Variants in QTMAN observed in about 807,000 individuals in gnomAD.
QTMAN encodes tRNA-queuosine alpha-mannosyltransferase.
chr2:144,084,628 CT>C, the QTMAN span, among the ~76,000 whole-genome samples: 4 of 152,248 alleles, frequency 2.6e-5, no homozygotes, highest in Admixed American at 6.5e-5. Flanking sequence ...TGGAATTCAC[CT>C]TTTTAATTGT....
chr2:143,968,386 CAGTA>C, the QTMAN span, among the ~76,000 whole-genome samples: 8,281 of 152,160 alleles, frequency 0.054, 298 homozygotes, highest in East Asian at 0.16. Flanking sequence ...CCACAGTGCT[CAGTA>C]AGTATGTGTG....
chr2:144,280,498 G>A, the QTMAN span, among the ~76,000 whole-genome samples: 2 of 152,040 alleles, frequency 1.3e-5, no homozygotes, highest in Non-Finnish European at 2.9e-5. Flanking sequence ...TAATTCGATT[G>A]ACATCAGGGC....
the QTMAN span, among the ~76,000 whole-genome samples, chr2:144,246,754 C>A: frequency 6.6e-6 from 1 of 152,156 alleles, no homozygotes; most frequent in African/African-American, 2.4e-5. Flanking sequence ...TGTCACCTGG[C>A]TTTTCGAGTC....
At chr2:144,121,227 G>A in the QTMAN span, among the ~76,000 whole-genome samples, 1 of 152,130 alleles carries the variant, frequency 6.6e-6, no homozygotes, top group Non-Finnish European at 1.5e-5. Context: ...CTGGTCTGGT[G>A]GCGGCACACT....
chr2:144,043,557 C>T, the QTMAN span, among the ~76,000 whole-genome samples: 8 of 151,426 alleles, frequency 5.3e-5, no homozygotes, highest in African/African-American at 1.2e-4. Context: ...TCCTTGAACC[C>T]GGGAGGCAGA....
the QTMAN span, among the ~76,000 whole-genome samples, chr2:144,139,984 T>C: frequency 1.1e-4 from 16 of 152,216 alleles, no homozygotes; most frequent in South Asian, 3.3e-3. Context: ...CTTGGTTATT[T>C]TGCCTTTGGA....
the QTMAN span, among the ~76,000 whole-genome samples, chr2:144,295,525 A>G: frequency 6.6e-6 from 1 of 152,308 alleles, no homozygotes; most frequent in East Asian, 1.9e-4. Flanking sequence ...TAGTCAACCT[A>G]TTTCTCTACC....
chr2:144,221,971 T>C, the QTMAN span, among the ~76,000 whole-genome samples: 1 of 152,266 alleles, frequency 6.6e-6, no homozygotes, highest in Non-Finnish European at 1.5e-5. Context: ...TCTGAGGCTG[T>C]ACTTTGACAG....
chr2:144,300,823 A>C, the QTMAN span, among the ~76,000 whole-genome samples: 1 of 152,180 alleles, frequency 6.6e-6, no homozygotes, highest in Non-Finnish European at 1.5e-5. Flanking sequence ...TCAAAACGAG[A>C]AAATGGTCTT....
the QTMAN span, among the ~76,000 whole-genome samples, chr2:144,197,506 T>A: frequency 2.0e-5 from 3 of 152,188 alleles, no homozygotes; most frequent in Admixed American, 6.5e-5. Flanking sequence ...ATATGAAAAA[T>A]TTATTATTAG....
chr2:143,988,611 CTTAAT>C, the QTMAN span, among the ~76,000 whole-genome samples: 3 of 152,206 alleles, frequency 2.0e-5, no homozygotes, highest in African/African-American at 7.2e-5. Context: ...CATTCTTCTA[CTTAAT>C]TTATAGAAGA....
chr2:144,322,122 G>C, the QTMAN span, among the ~76,000 whole-genome samples: 546 of 152,274 alleles, frequency 3.6e-3, 10 homozygotes, highest in Non-Finnish European at 9.7e-4. Context: ...AAAGAAACTA[G>C]AGGCATGTTA....
the QTMAN span, among the ~76,000 whole-genome samples, chr2:144,114,685 TACAAAACAAA>T: frequency 0.055 from 8,256 of 149,682 alleles, 388 homozygotes; most frequent in East Asian, 0.18. Flanking sequence ...GTGCCCACAC[TACAAAACAAA>T]ACAAAACAAA....
At chr2:144,048,146 C>A in the QTMAN span, among the ~76,000 whole-genome samples, 1 of 152,176 alleles carries the variant, frequency 6.6e-6, no homozygotes, top group Non-Finnish European at 1.5e-5. Context: ...ACAGAGGACC[C>A]AGGGTGGGGG....
chr2:144,278,307 CAAGT>C, the QTMAN span, among the ~76,000 whole-genome samples: 1 of 152,120 alleles, frequency 6.6e-6, no homozygotes, highest in African/African-American at 2.4e-5. Context: ...ATTTCTCTTG[CAAGT>C]AAGTTACTTA....
the QTMAN span, among the ~76,000 whole-genome samples, chr2:144,318,686 T>C: frequency 6.6e-6 from 1 of 152,168 alleles, no homozygotes; most frequent in South Asian, 2.1e-4. Context: ...CACTGAAAAA[T>C]TGAATAGTAT....
the QTMAN span, among the ~76,000 whole-genome samples, chr2:144,239,316 C>G: frequency 2.0e-5 from 3 of 152,124 alleles, no homozygotes; most frequent in Admixed American, 2.0e-4. Context: ...AAGTGTATAA[C>G]CTCTTAAAAC....
chr2:144,297,108 A>C, the QTMAN span, among the ~76,000 whole-genome samples: 4 of 152,208 alleles, frequency 2.6e-5, no homozygotes, highest in Admixed American at 1.3e-4. Flanking sequence ...AGAAAACACA[A>C]AGAGTCAAAA....
At chr2:144,103,197 A>G in the QTMAN span, among the ~76,000 whole-genome samples, 9 of 152,252 alleles carry the variant, frequency 5.9e-5, no homozygotes, top group Admixed American at 4.6e-4. Flanking sequence ...CCCATTGGAC[A>G]TAACAGGTTT....
Sources: allele counts gnomAD v4.1 joint callset (sites outside exome capture counted in the v4.1 genomes callset), GRCh38; gene constraint gnomAD v4.1.1; transcripts MANE v1.5; gene names NCBI Gene and HGNC (gene_info 2026-07-23, HGNC 2026-07-21).